Variants in IL13RA1 observed in about 807,000 individuals in gnomAD.
IL13RA1 encodes interleukin 13 receptor subunit alpha 1.
IL13RA1 carries 14 observed loss-of-function variants against 33.8 expected under a neutral mutation model. That is an observed-to-expected ratio of 0.41 (90% confidence interval 0.27 to 0.65). The LOEUF (loss-of-function observed/expected upper bound fraction) is 0.65. Among genes scored for constraint, IL13RA1 ranks in the 30% least tolerant of loss-of-function variants. IL13RA1 has a pLI of 0.28. For missense variants in IL13RA1, 313 were observed against 327.0 expected (o/e 0.96, Z 0.33); for synonymous variants, 116 against 115.7 (o/e 1.00, Z -0.02).
rs1355778059 is a variant in IL13RA1 at position 118,743,653 on chromosome X, G to A, written c.228+2497G>A. Among the ~76,000 whole-genome samples the A allele has an allele frequency of 2.7e-5, 3 of 112,119 alleles. No individual in the cohort carries two copies. In the Admixed American group the frequency reaches 2.8e-4, roughly 11 times the overall value. On this transcript the variant is annotated intron_variant, in intron 2 of 10. Transcript: ENST00000371666. ...TTCTTTTTGAGAAAGGAATTCTGGAGTTGAGAAAGGTGCAGTCCAGCCAAG... is the reference window on the plus strand; with the variant it reads ...TTCTTTTTGAGAAAGGAATTCTGGAATTGAGAAAGGTGCAGTCCAGCCAAG...
At chrX:118,729,659 A>G (rs1286279875) in intron 1 of IL13RA1, among the ~76,000 whole-genome samples, 1 of 112,767 alleles carries the variant, frequency 8.9e-6, no homozygotes, top group Non-Finnish European at 1.9e-5. Flanking sequence ...ACTAGCATGT[A>G]TATAGCATTT....
intron 1 of IL13RA1, among the ~76,000 whole-genome samples, chrX:118,729,526 C>T (rs763750353): frequency 9.0e-6 from 1 of 111,649 alleles, no homozygotes; most frequent in Non-Finnish European, 1.9e-5. Context: ...GGAGGTTGAA[C>T]TGCATAAATT....
chrX:118,795,233 A>AAG (rs1335069229), downstream of IL13RA1, among the ~76,000 whole-genome samples: 3 of 107,224 alleles, frequency 2.8e-5, no homozygotes, highest in African/African-American at 7.0e-5. Flanking sequence ...AAAAAAAAGA[A>AAG]AAAGAAAAAA....
chrX:118,775,803 A>T (rs2017775125), intron 9 of IL13RA1, among the ~76,000 whole-genome samples: 1 of 111,511 alleles, frequency 9.0e-6, no homozygotes, highest in South Asian at 3.7e-4. Flanking sequence ...TAAGTTTGAG[A>T]TGCTTATTAG....
At chrX:118,741,191 A>G (rs1444414650) in intron 2 of IL13RA1, 35 bp downstream of exon 2, 1 of 956,661 alleles carries the variant, frequency 1.0e-6, no homozygotes, top group Non-Finnish European at 1.5e-6. Flanking sequence ...TTGATGAGGT[A>G]AAGTGAACAC....
intron 1 of IL13RA1, among the ~76,000 whole-genome samples, chrX:118,730,751 T>C (rs984237651): frequency 8.9e-6 from 1 of 111,966 alleles, no homozygotes; most frequent in Non-Finnish European, 1.9e-5. Flanking sequence ...AGGTCTCCAC[T>C]AGAAAAATGT....
At chrX:118,737,407 C>A (rs866033883) in intron 1 of IL13RA1, among the ~76,000 whole-genome samples, 18 of 112,614 alleles carry the variant, frequency 1.6e-4, no homozygotes, top group Non-Finnish European at 7.5e-5. Flanking sequence ...TTACATCAAA[C>A]AGACTCTGCC....
In IL13RA1 at chrX:118,791,903, C is replaced by G; in HGVS notation, c.*49C>G. 1.7e-6 allele frequency: 1 copy of G among 571,831 alleles called. No homozygotes were observed. Among genetic ancestry groups the G allele is most frequent in the East Asian group, 3.5e-5 (1 of 28,797 alleles). The allele number at this position is 571,831 out of a possible 1,213,427, so 47.1% of individuals were successfully genotyped here. ...CACTGTGACCTTGAGAAGATTCTTC[C>G]CATTCTCCATTTGTTATCTGGGAAC... On this transcript the variant is annotated 3_prime_UTR_variant, in exon 11 of 11. Coordinates refer to ENST00000371666, the MANE Select transcript of IL13RA1 (RefSeq NM_001560.3).
chrX:118,757,664 A>G (rs1189085380), intron 4 of IL13RA1, among the ~76,000 whole-genome samples: 1 of 104,107 alleles, frequency 9.6e-6, no homozygotes, highest in Non-Finnish European at 2.0e-5. Flanking sequence ...CTCAGTCATT[A>G]AAAAGAATTC....
intron 10 of IL13RA1, among the ~76,000 whole-genome samples, chrX:118,784,119 GTATATATA>G (rs1185963910): frequency 5.4e-5 from 1 of 18,471 alleles, no homozygotes; most frequent in Non-Finnish European, 9.0e-5. Context: ...ACGTATATAT[GTATATATA>G]TGTATATATA....
chrX:118,755,938 G>T (rs2017525490), intron 4 of IL13RA1, among the ~76,000 whole-genome samples: 1 of 110,914 alleles, frequency 9.0e-6, no homozygotes, highest in Admixed American at 9.5e-5. Flanking sequence ...ACCTATTGAA[G>T]GAAAAAAGCA....
In IL13RA1 at chrX:118,738,771, A is replaced by G. The variant is rs750438851; in HGVS notation, c.89-2246A>G. Among the ~76,000 whole-genome samples the G allele has an allele frequency of 2.9e-4, 25 of 86,324 alleles. No individual in the cohort carries two copies. In the East Asian group the frequency reaches 9.0e-3, roughly 31 times the overall value. 75.0% of individuals were successfully genotyped at this position (86,324 alleles called of 115,157 possible). On this transcript the variant is annotated intron_variant, in intron 1 of 10. Transcript: ENST00000371666. ...AATTGTTGGGTTGAATGGTAGTTCTATTTTAAGTCCTTTTTTTTTTTTTTT... is the reference window on the plus strand; with the variant it reads ...AATTGTTGGGTTGAATGGTAGTTCTGTTTTAAGTCCTTTTTTTTTTTTTTT...
chrX:118,805,162 G>A, the IL13RA1 span, among the ~76,000 whole-genome samples: 1 of 111,883 alleles, frequency 8.9e-6, no homozygotes, highest in Admixed American at 9.5e-5. Context: ...TCAGGGAGAT[G>A]GAATTGAGAC....
intron 10 of IL13RA1, among the ~76,000 whole-genome samples, chrX:118,776,775 A>AT (rs1219444523): frequency 1.0e-4 from 11 of 107,248 alleles, no homozygotes; most frequent in Admixed American, 9.1e-4. Flanking sequence ...TAATTTTTAT[A>AT]TTTTTTTGCG....
At chrX:118,805,034 G>T in the IL13RA1 span, among the ~76,000 whole-genome samples, 1 of 111,745 alleles carries the variant, frequency 8.9e-6, no homozygotes, top group South Asian at 3.7e-4. Flanking sequence ...TTCTTGATTG[G>T]CTGACAAACC....
chrX:118,770,075 T>A, intron 8 of IL13RA1: 1 of 257,675 alleles, frequency 3.9e-6, no homozygotes, highest in Non-Finnish European at 7.4e-6. Flanking sequence ...CTCATGCGCC[T>A]GGTACTTCTC....
At chrX:118,751,971 C>T (rs1470987138) in intron 4 of IL13RA1, among the ~76,000 whole-genome samples, 4 of 108,718 alleles carry the variant, frequency 3.7e-5, no homozygotes, top group Non-Finnish European at 5.7e-5. Flanking sequence ...GGATTCACAT[C>T]CGCACTCCTC....
chrX:118,762,305 A>T (rs953255041), intron 6 of IL13RA1, among the ~76,000 whole-genome samples: 2 of 112,471 alleles, frequency 1.8e-5, no homozygotes, highest in Admixed American at 1.9e-4. Context: ...GTACTTTAAG[A>T]GTGTGTGTCC....
intron 10 of IL13RA1, among the ~76,000 whole-genome samples, chrX:118,784,090 A>AATAT (rs1556372974): frequency 9.4e-5 from 6 of 63,954 alleles, no homozygotes; most frequent in African/African-American, 1.5e-4. Context: ...AAAAAAAAAA[A>AATAT]ATATATATAT....
Sources: allele counts gnomAD v4.1 joint callset (sites outside exome capture counted in the v4.1 genomes callset), GRCh38; gene constraint gnomAD v4.1.1; transcripts MANE v1.5; gene names NCBI Gene and HGNC (gene_info 2026-07-23, HGNC 2026-07-21).